PRKAG2: variants seen among roughly 807,000 people sequenced by gnomAD.
PRKAG2 encodes the protein protein kinase AMP-activated non-catalytic subunit gamma 2, also known as 5'-AMP-activated protein kinase subunit gamma-2.
A neutral mutation model predicts 69.6 loss-of-function variants in PRKAG2; 26 were observed. The ratio of observed to expected loss-of-function variants is 0.37; its 90% CI spans 0.27 to 0.52. PRKAG2 has a LOEUF of 0.52. PRKAG2 is among the 20% of genes least tolerant of loss of function. The pLI is 0.90. For missense variants in PRKAG2, 557 were observed against 740.0 expected (o/e 0.75, Z 2.87); for synonymous variants, 293 against 285.0 (o/e 1.03, Z -0.28).
chr7:151,579,761 C>T (rs1432821046), intron 6 of PRKAG2, among the ~76,000 whole-genome samples: 1 of 152,042 alleles, frequency 6.6e-6, no homozygotes, highest in African/African-American at 2.4e-5. Context: ...CTAAGCACGT[C>T]ATAGACAAGA....
chr7:151,856,675 C>G (rs980840060), intron 1 of PRKAG2, among the ~76,000 whole-genome samples: 1 of 152,180 alleles, frequency 6.6e-6, no homozygotes. Context: ...GCACCCACAC[C>G]GAATATAACT....
chr7:151,712,278 C>T (rs897767078), intron 3 of PRKAG2, among the ~76,000 whole-genome samples: 32 of 152,210 alleles, frequency 2.1e-4, no homozygotes, highest in Non-Finnish European at 4.0e-4. Flanking sequence ...GAAGGACGCT[C>T]TGCTGGCTCA....
At position 151,780,531 on chromosome 7, in the gene PRKAG2, C is replaced by T. The variant is rs1421756005; in HGVS notation, c.466+621G>A. The stretch of plus-strand genomic sequence containing the variant: ...GTATATTTCATATTATCATCGACGG[C>T]GCTCAAATGAAAATACCTTATCCTC... On this transcript the variant is annotated intron_variant, in intron 3 of 15. Transcript: ENST00000287878. The surrounding 1 kb of genome is among the most constrained non-coding windows in gnomAD (Gnocchi z 4.2). 6.6e-6 allele frequency among the ~76,000 whole-genome samples: 1 copy of T among 152,176 alleles called. No individual in the cohort carries two copies. The highest frequency in any genetic ancestry group is 1.9e-4 in the East Asian group (1 of 5,192).
chr7:151,809,265 G>C, intron 1 of PRKAG2: 1 of 456,732 alleles, frequency 2.2e-6, no homozygotes, highest in Non-Finnish European at 4.4e-6. Flanking sequence ...CCCTAGGCCA[G>C]CCCGGCCCCT....
In PRKAG2 at chr7:151,807,173, T is replaced by A. The variant is rs2078154535; in HGVS notation, c.115-20632A>T. 2.7e-6 allele frequency: 1 copy of A among 368,382 alleles called. No homozygotes were observed. Among genetic ancestry groups the A allele is most frequent in the Non-Finnish European group, 5.4e-6 (1 of 185,980 alleles). 22.8% of individuals were successfully genotyped at this position (368,382 alleles called of 1,614,324 possible). On this transcript the variant is annotated intron_variant, in intron 1 of 15. Transcript: ENST00000287878. The surrounding 1 kb of genome is among the most constrained non-coding windows in gnomAD (Gnocchi z 4.4). The stretch of plus-strand genomic sequence containing the variant: ...GCGGTGGTCACATGACTGTGCACAC[T>A]TACGACAACCCATCTAATTGTATAC...
chr7:151,753,761 C>T (rs2074872086), intron 3 of PRKAG2, among the ~76,000 whole-genome samples: 1 of 152,068 alleles, frequency 6.6e-6, no homozygotes, highest in Non-Finnish European at 1.5e-5. Context: ...ACAGGCTGAG[C>T]AGTGGCTTGT....
intron 4 of PRKAG2, among the ~76,000 whole-genome samples, chr7:151,647,593 G>A (rs1454991896): frequency 6.6e-6 from 1 of 152,168 alleles, no homozygotes; most frequent in Non-Finnish European, 1.5e-5. Flanking sequence ...GTGGACATTC[G>A]GGTGGCGGCT....
At chr7:151,860,779 C>G (rs954393922) in intron 1 of PRKAG2, among the ~76,000 whole-genome samples, 1 of 152,172 alleles carries the variant, frequency 6.6e-6, no homozygotes, top group African/African-American at 2.4e-5. Context: ...CCTACCTCTC[C>G]TAGAGGGCAC....
chr7:151,858,884 A>T (rs1225890009), intron 1 of PRKAG2, among the ~76,000 whole-genome samples: 2 of 152,122 alleles, frequency 1.3e-5, no homozygotes, highest in African/African-American at 4.8e-5. Context: ...TGCCCCCAGG[A>T]GTCTTGATGG....
intron 3 of PRKAG2, among the ~76,000 whole-genome samples, chr7:151,760,749 C>T (rs1384200270): frequency 1.3e-5 from 2 of 152,158 alleles, no homozygotes; most frequent in African/African-American, 2.4e-5. Context: ...TCCTTGACAA[C>T]GTGGGGGCAG....
intron 14 of PRKAG2, among the ~76,000 whole-genome samples, chr7:151,562,799 C>G (rs941262085): frequency 6.6e-6 from 1 of 151,770 alleles, no homozygotes; most frequent in African/African-American, 2.4e-5. Context: ...AACCCCGTCT[C>G]TACTAAAAAT....
intron 3 of PRKAG2, among the ~76,000 whole-genome samples, chr7:151,748,405 A>G (rs754186834): frequency 6.6e-6 from 1 of 152,214 alleles, no homozygotes; most frequent in Non-Finnish European, 1.5e-5. Context: ...TTTTTTTAAA[A>G]GAGAGCAGAG....
At chr7:151,714,071 A>C (rs1211742333) in intron 3 of PRKAG2, among the ~76,000 whole-genome samples, 1 of 152,124 alleles carries the variant, frequency 6.6e-6, no homozygotes, top group Non-Finnish European at 1.5e-5. Context: ...GCGGTTAGAT[A>C]ACTCGGGCTG....
At chr7:151,737,119 A>G (rs1393614854) in intron 3 of PRKAG2, among the ~76,000 whole-genome samples, 1 of 152,216 alleles carries the variant, frequency 6.6e-6, no homozygotes, top group Non-Finnish European at 1.5e-5. Flanking sequence ...CTGCTTTGCT[A>G]CTAACCAGCT....
At chr7:151,679,372 C>G (rs765051125) in intron 3 of PRKAG2, among the ~76,000 whole-genome samples, 25 of 152,174 alleles carry the variant, frequency 1.6e-4, no homozygotes, top group Non-Finnish European at 3.2e-4. Flanking sequence ...AAGTCTCCAG[C>G]AGGGGCTCGT....
Position 151,738,874 on chromosome 7 carries a change from G to GT in PRKAG2, c.466+42277dup, listed in dbSNP as rs2073665988. Among the ~76,000 whole-genome samples the GT allele has an allele frequency of 2.6e-5, 4 of 152,298 alleles. No individual in the cohort carries two copies. The South Asian group carries it at 8.3e-4, about 32-fold the overall frequency. On this transcript the variant is annotated intron_variant, in intron 3 of 15. Transcript: ENST00000287878. ...TAATTCCTCTAGTACCACTGGAGTT[G>GT]TTGGCCCAGTCACTGCAGATGCCTG...
At chr7:151,613,350 A>G (rs1000117073) in intron 5 of PRKAG2, among the ~76,000 whole-genome samples, 2 of 152,206 alleles carry the variant, frequency 1.3e-5, no homozygotes, top group African/African-American at 4.8e-5. Context: ...TTGAGCATCC[A>G]TACTACACTC....
intron 3 of PRKAG2, among the ~76,000 whole-genome samples, chr7:151,750,046 G>A (rs559281949): frequency 2.5e-4 from 36 of 146,524 alleles, no homozygotes; most frequent in East Asian, 1.8e-3. Context: ...GTAGTGAGCC[G>A]AGATGGTGCC....
At chr7:151,592,014 G>C (rs1813279979) in intron 6 of PRKAG2, among the ~76,000 whole-genome samples, 1 of 152,152 alleles carries the variant, frequency 6.6e-6, no homozygotes, top group Non-Finnish European at 1.5e-5. Context: ...CGAATGCTGA[G>C]CATGCACAGC....
Sources: gnomAD v4.1 joint callset for allele counts (sites outside exome capture counted in the v4.1 genomes callset) on GRCh38, gnomAD v4.1.1 for gene constraint, Gnocchi (gnomAD v3.1) non-coding constraint, MANE v1.5 for transcripts, NCBI Gene and HGNC (gene_info 2026-07-23, HGNC 2026-07-21) for gene names.